Variants in SMYD3 observed in about 807,000 individuals in gnomAD.
SMYD3 encodes the protein histone-lysine N-methyltransferase SMYD3.
A neutral mutation model predicts 57.7 loss-of-function variants in SMYD3; 36 were observed. The observed-to-expected ratio is 0.62, with a 90% CI of 0.48 to 0.82. The LOEUF is 0.82. Among genes scored for constraint, SMYD3 ranks in the 40% least tolerant of loss-of-function variants. The pLI is 0.00. For missense variants in SMYD3, 515 were observed against 538.8 expected (o/e 0.96, Z 0.44); for synonymous variants, 211 against 195.0 (o/e 1.08, Z -0.68).
In SMYD3 at chr1:246,395,699, T is replaced by C. The variant is rs75625181; in HGVS notation, c.165-40605A>G. Among the ~76,000 whole-genome samples the C allele has an allele frequency of 5.4e-3, 192 of 35,706 alleles. 16 individuals are homozygous for C. Among genetic ancestry groups the C allele is most frequent in the South Asian group, 0.051 (37 of 720 alleles). The allele number at this position is 35,706 out of a possible 152,430, so 23.4% of individuals were successfully genotyped here. A position where few individuals can be genotyped will look rare whatever the true frequency, so the allele number is the denominator to read the frequency against. On this transcript the variant is annotated intron_variant, in intron 1 of 11. Coordinates refer to ENST00000490107, the MANE Select transcript of SMYD3 (RefSeq NM_001167740.2). ...TCAGACAGGGAAGACGAACCCACCA[T>C]GGCTGGACAGGGAAGACGAACACAC...
Position 245,858,654 on chromosome 1 carries a change from C to T in SMYD3, c.918G>A (p.Leu306=), listed in dbSNP as rs780570983. The T allele has an allele frequency of 8.1e-6, 13 of 1,614,028 alleles. No individual in the cohort carries two copies. Among genetic ancestry groups the T allele is most frequent in the Non-Finnish European group, 1.1e-5 (13 of 1,179,964 alleles). ...TGCTTATGATTGCCTGGCACATGGCCAGAACCTGCTCCCACTCTGTTATTA... is the reference window on the plus strand; with the variant it reads ...TGCTTATGATTGCCTGGCACATGGCTAGAACCTGCTCCCACTCTGTTATTA... ...LKAHWKWEQV[L]AMCQAIISSN... Residue 306 remains leucine (L), a synonymous_variant, in exon 10 of 12, where the codon CTG becomes CTA. Coordinates refer to ENST00000490107, the MANE Select transcript of SMYD3 (RefSeq NM_001167740.2).
At chr1:246,241,954 T>C (rs2063619809) in intron 5 of SMYD3, among the ~76,000 whole-genome samples, 1 of 152,214 alleles carries the variant, frequency 6.6e-6, no homozygotes, top group Admixed American at 6.5e-5. Flanking sequence ...TTTATCATTT[T>C]TTATTGCATC....
rs184872542 is a variant in SMYD3 at position 246,000,606 on chromosome 1, C to T, written c.532-70669G>A. Among the ~76,000 whole-genome samples the T allele has an allele frequency of 3.6e-3, 553 of 152,266 alleles. 3 individuals carry two copies. The highest frequency in any genetic ancestry group is 0.012 in the African/African-American group (498 of 41,544). On this transcript the variant is annotated intron_variant, in intron 5 of 11. Coordinates refer to ENST00000490107, the MANE Select transcript of SMYD3 (RefSeq NM_001167740.2). ...CAGGACTTCTCTCTGTTTCCCCCTC[C>T]CCTGGACACCACCATACACACAGTT...
intron 5 of SMYD3, among the ~76,000 whole-genome samples, chr1:246,021,087 C>A (rs2059463329): frequency 6.6e-6 from 1 of 152,116 alleles, no homozygotes; most frequent in Admixed American, 6.5e-5. Context: ...AACGCCAATA[C>A]CAGAAACATG....
intron 5 of SMYD3, among the ~76,000 whole-genome samples, chr1:246,142,463 G>A (rs2061772723): frequency 6.6e-6 from 1 of 151,978 alleles, no homozygotes. Context: ...TGCACTTTGG[G>A]AGCATTATTA....
intron 11 of SMYD3, among the ~76,000 whole-genome samples, chr1:245,750,765 C>T (rs2045313464): frequency 6.6e-6 from 1 of 152,172 alleles, no homozygotes; most frequent in African/African-American, 2.4e-5. Flanking sequence ...GGGAGGGACA[C>T]CAGAACCACT....
At chr1:246,396,361 C>T (rs1297893173) in intron 1 of SMYD3, among the ~76,000 whole-genome samples, 2 of 152,106 alleles carry the variant, frequency 1.3e-5, no homozygotes, top group Admixed American at 6.5e-5. Flanking sequence ...TTGTTCCCAA[C>T]GGCTCACTTA....
At chr1:245,905,049 C>T (rs993765274) in intron 8 of SMYD3, among the ~76,000 whole-genome samples, 5 of 151,810 alleles carry the variant, frequency 3.3e-5, no homozygotes, top group Non-Finnish European at 1.5e-5. Flanking sequence ...GCATTCATCA[C>T]CTACTAACTG....
intron 2 of SMYD3, among the ~76,000 whole-genome samples, chr1:246,353,898 T>C (rs1359466639): frequency 2.6e-5 from 4 of 152,240 alleles, no homozygotes; most frequent in South Asian, 2.1e-4. Flanking sequence ...GTGTTTTCCC[T>C]GAGATAATTT....
At chr1:246,058,662 C>T (rs2148346681) in intron 5 of SMYD3, among the ~76,000 whole-genome samples, 1 of 152,244 alleles carries the variant, frequency 6.6e-6, no homozygotes, top group African/African-American at 2.4e-5. Context: ...CCAAGTATAA[C>T]AGCTGGCAGT....
intron 5 of SMYD3, among the ~76,000 whole-genome samples, chr1:246,104,485 C>T (rs1447379029): frequency 2.0e-5 from 3 of 152,160 alleles, no homozygotes; most frequent in Non-Finnish European, 4.4e-5. Flanking sequence ...GCTGATCCAT[C>T]AAAATGCAGG....
chr1:246,445,141 T>A (rs747631464), intron 1 of SMYD3, among the ~76,000 whole-genome samples: 15 of 152,212 alleles, frequency 9.9e-5, no homozygotes, highest in Non-Finnish European at 1.8e-4. Context: ...GCACAAAACG[T>A]AGCATGTAGT....
At chr1:246,277,686 C>T (rs1024227610) in intron 5 of SMYD3, among the ~76,000 whole-genome samples, 3 of 152,172 alleles carry the variant, frequency 2.0e-5, no homozygotes, top group African/African-American at 7.2e-5. Flanking sequence ...CAGACCACCG[C>T]TCAGTAATAA....
In SMYD3 at chr1:246,015,639, G is replaced by A. The variant is rs912123519; in HGVS notation, c.532-85702C>T. On this transcript the variant is annotated intron_variant, in intron 5 of 11. Transcript: ENST00000490107. Reference sequence around the variant, plus strand: ...CTCAGATCCTGGTACCCGCCATTCCGTCTCTATGAATTTCAAACATGAGGT... The same window carrying A: ...CTCAGATCCTGGTACCCGCCATTCCATCTCTATGAATTTCAAACATGAGGT... Among the ~76,000 whole-genome samples the A allele has an allele frequency of 1.2e-4, 18 of 152,162 alleles. 1 individual carries two copies. The South Asian group carries it at 2.9e-3, about 25-fold the overall frequency.
chr1:245,926,294 A>T (rs1363456609), intron 7 of SMYD3, among the ~76,000 whole-genome samples: 1 of 152,256 alleles, frequency 6.6e-6, no homozygotes, highest in Non-Finnish European at 1.5e-5. Context: ...TAACATTAAG[A>T]CAAAGAGACA....
At chr1:246,170,411 CTTT>C (rs34758534) in intron 5 of SMYD3, among the ~76,000 whole-genome samples, 4 of 141,290 alleles carry the variant, frequency 2.8e-5, no homozygotes, top group African/African-American at 2.6e-5. Flanking sequence ...ACACTCATTA[CTTT>C]TTTTTTTTTT....
chr1:246,277,823 C>T (rs2064364887), intron 5 of SMYD3, among the ~76,000 whole-genome samples: 1 of 152,136 alleles, frequency 6.6e-6, no homozygotes, highest in Admixed American at 6.5e-5. Flanking sequence ...AGACAAAAGT[C>T]ATCTATAGAT....
chr1:246,413,861 A>G (rs1390362346), intron 1 of SMYD3, among the ~76,000 whole-genome samples: 1 of 152,196 alleles, frequency 6.6e-6, no homozygotes, highest in Non-Finnish European at 1.5e-5. Flanking sequence ...TAGCAACACA[A>G]CAGCAGCCTA....
intron 5 of SMYD3, among the ~76,000 whole-genome samples, chr1:246,278,593 A>G (rs567806831): frequency 1.3e-5 from 2 of 152,060 alleles, no homozygotes; most frequent in Non-Finnish European, 2.9e-5. Flanking sequence ...CAGGGCCCTG[A>G]GTCCTACTGA....
Sources: allele counts gnomAD v4.1 joint callset (sites outside exome capture counted in the v4.1 genomes callset), GRCh38; gene constraint gnomAD v4.1.1; transcripts MANE v1.5; gene names NCBI Gene and HGNC (gene_info 2026-07-23, HGNC 2026-07-21).